The following NFATC1 variants were observed in gnomAD, a reference collection of about 807,000 sequenced individuals.
NFATC1 encodes nuclear factor of activated T-cells, cytoplasmic 1.
NFATC1 carries 22 observed loss-of-function variants against 76.0 expected under a neutral mutation model. That is an observed-to-expected ratio of 0.29 (90% confidence interval 0.21 to 0.41). The LOEUF (loss-of-function observed/expected upper bound fraction) is 0.41. Among genes scored for constraint, NFATC1 ranks in the 10% least tolerant of loss-of-function variants. The pLI is 1.00. For missense variants in NFATC1, 1,357 were observed against 1,337.7 expected, an observed-to-expected ratio of 1.01 and a Z score of -0.23; for synonymous variants, 704 against 613.1, an observed-to-expected ratio of 1.15 and a Z score of -2.19.
At chr18:79,406,706 G>A (rs61656392) in intron 1 of NFATC1, among the ~76,000 whole-genome samples, 1,852 of 152,236 alleles carry the variant, frequency 0.012, 28 homozygotes, top group African/African-American at 0.04. Context: ...CAGGTGGCTC[G>A]GCGTGGCACC....
Position 79,486,503 on chromosome 18 carries a change from C to T in NFATC1, c.2348C>T (p.Pro783Leu), listed in dbSNP as rs372954162. Residue 783 changes from proline to leucine, a missense_variant, in exon 9 of 10, where the codon CCG becomes CTG. By Grantham distance (98) the Pro-to-Leu change is moderately conservative. Transcript: ENST00000427363. ...PAAYTKGVAS[P>L]GHCHLGLPQP... Reference sequence around the variant, plus strand: ...GCCTACACCAAGGGCGTTGCCAGCCCGGGCCACTGTCACCTCGGACTCCCG... The same window carrying T: ...GCCTACACCAAGGGCGTTGCCAGCCTGGGCCACTGTCACCTCGGACTCCCG... 46 of 1,604,446 alleles carry T rather than the reference C, an allele frequency of 2.9e-5. No homozygotes were observed. Among genetic ancestry groups the T allele is most frequent in the East Asian group, 1.1e-4 (5 of 44,830 alleles).
chr18:79,424,408 A>G (rs1190628413), intron 2 of NFATC1, among the ~76,000 whole-genome samples: 2 of 152,230 alleles, frequency 1.3e-5, no homozygotes, highest in Non-Finnish European at 2.9e-5. Flanking sequence ...GGGCAGCTCC[A>G]GACACACAAG....
At chr18:79,481,251 G>C (rs138895324) in intron 8 of NFATC1, among the ~76,000 whole-genome samples, 2 of 152,250 alleles carry the variant, frequency 1.3e-5, no homozygotes, top group Admixed American at 6.5e-5. Flanking sequence ...GCCCAGCTGC[G>C]TCCGCAGAGC....
chr18:79,508,565 C>T (rs1292965329), intron 9 of NFATC1, among the ~76,000 whole-genome samples: 3 of 152,158 alleles, frequency 2.0e-5, no homozygotes, highest in Non-Finnish European at 4.4e-5. Context: ...CATAAACGCA[C>T]GGAGGGTCTG....
rs567623370 is a variant in NFATC1 at position 79,476,581 on chromosome 18, A to G, written c.2092+8999A>G. 2.0e-5 allele frequency among the ~76,000 whole-genome samples: 3 copies of G among 152,194 alleles called. No individual in the cohort carries two copies. In the East Asian group the frequency reaches 5.8e-4, roughly 29 times the overall value. ...TCGCTGCCACCTGAGACCCCCATCA[A>G]GTACCTGAGCTCTGCGTCTGTTTTC... is the stretch of plus-strand genomic sequence containing the variant. On this transcript the variant is annotated intron_variant, in intron 8 of 9. Transcript: ENST00000427363.
chr18:79,517,952 T>C (rs1030093662), intron 9 of NFATC1, among the ~76,000 whole-genome samples: 1 of 152,254 alleles, frequency 6.6e-6, no homozygotes, highest in African/African-American at 2.4e-5. Context: ...GATTAAACAG[T>C]GTATTTGGGT....
intron 9 of NFATC1, among the ~76,000 whole-genome samples, chr18:79,523,055 G>T (rs1394325780): frequency 6.6e-6 from 1 of 152,202 alleles, no homozygotes; most frequent in Non-Finnish European, 1.5e-5. Flanking sequence ...AGCCCTCCGT[G>T]GTCCCTGTGA....
In NFATC1 at chr18:79,411,292, C is replaced by T. The variant is rs200853741; in HGVS notation, c.1017C>T (p.Thr339=). The change falls in exon 2 of 10, where the codon ACC becomes ACT. Residue 339 remains threonine, a synonymous_variant. Coordinates refer to ENST00000427363, the MANE Select transcript of NFATC1 (RefSeq NM_001278669.2). ...DGVPVKSRKT[T]LEQPPSVALK... ...TCCCTGTCAAGTCCCGCAAGACCAC[C>T]CTGGAGCAGCCGCCCTCAGTGGCGC... is the stretch of plus-strand genomic sequence containing the variant. 23 of 1,603,554 alleles carry T rather than the reference C, an allele frequency of 1.4e-5. No homozygotes were observed. The East Asian group carries it at 3.3e-4, about 23-fold the overall frequency.
At position 79,396,146 on chromosome 18, in the gene NFATC1, G is replaced by A. The variant is rs989383097; in HGVS notation, c.-79G>A. The A allele has an allele frequency of 1.5e-6, 2 of 1,326,902 alleles. No homozygotes were observed. Among genetic ancestry groups the A allele is most frequent in the Non-Finnish European group, 9.8e-7 (1 of 1,025,002 alleles). The allele number at this position is 1,326,902 out of a possible 1,614,324, so 82.2% of individuals were successfully genotyped here. A position where few individuals can be genotyped will look rare whatever the true frequency, so the allele number is the denominator to read the frequency against. ...CCGGGGCGAGGGCTGTCTTCCCGGA[G>A]ACCCGACCCCGGCAGCGCGGGGCGG... On this transcript the variant is annotated 5_prime_UTR_variant, in exon 1 of 10. Transcript: ENST00000427363.
chr18:79,444,654 C>A (rs376838157), intron 3 of NFATC1, among the ~76,000 whole-genome samples: 5 of 152,304 alleles, frequency 3.3e-5, no homozygotes, highest in African/African-American at 7.2e-5. Flanking sequence ...CAGCGCCGCA[C>A]ACACAGGCAC....
intron 1 of NFATC1, among the ~76,000 whole-genome samples, chr18:79,398,049 T>C (rs1006438917): frequency 2.6e-5 from 4 of 152,036 alleles, no homozygotes; most frequent in Admixed American, 6.5e-5. Flanking sequence ...GGAAGAACTC[T>C]GAGTCCTTCT....
intron 9 of NFATC1, among the ~76,000 whole-genome samples, chr18:79,504,142 C>T (rs2090073458): frequency 6.6e-6 from 1 of 151,978 alleles, no homozygotes; most frequent in South Asian, 2.1e-4. Flanking sequence ...ACTAGGGCAG[C>T]GGTTTTCACT....
At chr18:79,469,965 C>T (rs1236778046) in intron 8 of NFATC1, 19 of 985,366 alleles carry the variant, frequency 1.9e-5, no homozygotes, top group Non-Finnish European at 2.2e-5. Context: ...GGGCCTACCT[C>T]GAGGCCACTG....
At chr18:79,433,851 C>T (rs1016554633) in intron 3 of NFATC1, 113 bp downstream of exon 3, 230 of 1,368,958 alleles carry the variant, frequency 1.7e-4, no homozygotes, top group Non-Finnish European at 2.2e-4. Flanking sequence ...GCTGAATGCT[C>T]TGTCGTGGTT....
chr18:79,411,260 G>C lies in NFATC1; in HGVS notation c.985G>C (p.Asp329His). 2 of 1,603,332 alleles carry C rather than the reference G, an allele frequency of 1.2e-6. No homozygotes were observed. Among genetic ancestry groups the C allele is most frequent in the Non-Finnish European group, 1.7e-6 (2 of 1,179,754 alleles). ...LTTDSSLDLGDGVPVKSRKTT... is the reference protein window; with the variant it reads ...LTTDSSLDLGHGVPVKSRKTT... Reference sequence around the variant, plus strand: ...CACCGACAGCAGCCTGGACCTGGGAGATGGCGTCCCTGTCAAGTCCCGCAA... The same window carrying C: ...CACCGACAGCAGCCTGGACCTGGGACATGGCGTCCCTGTCAAGTCCCGCAA... The change falls in exon 2 of 10, where the codon GAT (aspartate) becomes CAT (histidine). Residue 329 changes from aspartate to histidine, a missense_variant. Physicochemically the swap from Asp to His is moderately conservative, Grantham distance 81. Around this residue, in one of 3 missense-constraint regions of NFATC1, gnomAD observed 691 missense variants for 613.1 expected, o/e 1.13. Transcript: ENST00000427363.
At chr18:79,423,813 A>G (rs2086185482) in intron 2 of NFATC1, among the ~76,000 whole-genome samples, 1 of 151,798 alleles carries the variant, frequency 6.6e-6, no homozygotes, top group South Asian at 2.1e-4. Context: ...CTTCCCTCCC[A>G]TGGGCACAGA....
chr18:79,471,787 T>C (rs7234119), intron 8 of NFATC1, among the ~76,000 whole-genome samples: 59,623 of 152,134 alleles, frequency 0.39, 13,297 homozygotes, highest in African/African-American at 0.63. Context: ...GGTGTGAAGG[T>C]GTCGGAACAG....
intron 2 of NFATC1, among the ~76,000 whole-genome samples, chr18:79,416,620 C>T (rs901885846): frequency 2.6e-5 from 4 of 152,232 alleles, no homozygotes; most frequent in South Asian, 2.1e-4. Context: ...CCTGGGAAGA[C>T]GGATAGCAAA....
intron 8 of NFATC1, among the ~76,000 whole-genome samples, chr18:79,476,534 C>T (rs948121457): frequency 6.6e-6 from 1 of 152,240 alleles, no homozygotes; most frequent in African/African-American, 2.4e-5. Context: ...CTTCCCCTCG[C>T]TGCCGTGCTG....
Sources: allele counts gnomAD v4.1 joint callset (sites outside exome capture counted in the v4.1 genomes callset), GRCh38; gene constraint gnomAD v4.1.1; regional missense constraint gnomAD v4.1.1; transcripts MANE v1.5; gene names NCBI Gene and HGNC (gene_info 2026-07-23, HGNC 2026-07-21).